The following LINGO2 variants were observed in gnomAD, a reference collection of about 807,000 sequenced individuals.
The protein encoded by LINGO2 is leucine rich repeat and Ig domain containing 2, also known as leucine-rich repeat and immunoglobulin-like domain-containing nogo receptor-interacting protein 2.
LINGO2 carries 14 observed loss-of-function variants against 30.6 expected under a neutral mutation model. The observed-to-expected ratio is 0.46, with a 90% CI of 0.30 to 0.72. LINGO2 has a LOEUF of 0.72. Among genes scored for constraint, LINGO2 ranks in the 30% least tolerant of loss-of-function variants. LINGO2 has a pLI of 0.07. For missense variants in LINGO2, 729 were observed against 751.7 expected, an observed-to-expected ratio of 0.97 and a Z score of 0.35; for synonymous variants, 317 against 288.5, an observed-to-expected ratio of 1.10 and a Z score of -1.00.
chr9:28,995,416 C>T, the LINGO2 span, among the ~76,000 whole-genome samples: 1 of 152,162 alleles, frequency 6.6e-6, no homozygotes, highest in Admixed American at 6.5e-5. Context: ...TTTGACACTG[C>T]TGGTGGGACT....
chr9:28,441,915 A>G (rs896560070), intron 2 of LINGO2, among the ~76,000 whole-genome samples: 3 of 152,122 alleles, frequency 2.0e-5, no homozygotes, highest in Non-Finnish European at 4.4e-5. Flanking sequence ...ACTTCACTGA[A>G]CTAAGATACT....
chr9:28,398,117 T>TA (rs1401859636), intron 2 of LINGO2, among the ~76,000 whole-genome samples: 2 of 152,170 alleles, frequency 1.3e-5, no homozygotes, highest in Non-Finnish European at 2.9e-5. Flanking sequence ...CAGTCAGTGT[T>TA]ATGATTACCC....
At chr9:28,941,299 T>G in the LINGO2 span, among the ~76,000 whole-genome samples, 1 of 152,158 alleles carries the variant, frequency 6.6e-6, no homozygotes, top group African/African-American at 2.4e-5. Context: ...GATATGCATA[T>G]TTAATTATGC....
the LINGO2 span, among the ~76,000 whole-genome samples, chr9:28,971,708 G>T: frequency 6.6e-6 from 1 of 152,220 alleles, no homozygotes; most frequent in Non-Finnish European, 1.5e-5. Flanking sequence ...CTAACCAGGG[G>T]CCTAGCGGAA....
intron 4 of LINGO2, among the ~76,000 whole-genome samples, chr9:28,121,419 A>T (rs1484419375): frequency 6.6e-6 from 1 of 152,160 alleles, no homozygotes; most frequent in East Asian, 1.9e-4. Flanking sequence ...CAGGAATTTT[A>T]TCTCGTTAAA....
chr9:28,760,096 T>C, the LINGO2 span, among the ~76,000 whole-genome samples: 5,177 of 152,190 alleles, frequency 0.034, 351 homozygotes, highest in African/African-American at 0.12. Flanking sequence ...ATTATTCTGA[T>C]AGAAATGTTT....
intron 4 of LINGO2, among the ~76,000 whole-genome samples, chr9:28,102,742 T>A (rs566905956): frequency 6.6e-6 from 1 of 151,760 alleles, no homozygotes; most frequent in East Asian, 1.9e-4. Context: ...CTAATAAGCA[T>A]AAAAAATGTT....
intron 3 of LINGO2, among the ~76,000 whole-genome samples, chr9:28,362,467 C>T (rs1036881876): frequency 6.9e-6 from 1 of 145,200 alleles, no homozygotes; most frequent in Non-Finnish European, 1.5e-5. Context: ...TTTGGCTTTC[C>T]TTTTTTTTTT....
the LINGO2 span, among the ~76,000 whole-genome samples, chr9:28,846,701 C>T: frequency 2.7e-5 from 4 of 146,968 alleles, no homozygotes; most frequent in Non-Finnish European, 6.0e-5. Flanking sequence ...TTCTAATTAC[C>T]ATCTCTGGGC....
chr9:29,105,651 A>G, the LINGO2 span, among the ~76,000 whole-genome samples: 1 of 152,206 alleles, frequency 6.6e-6, no homozygotes, highest in African/African-American at 2.4e-5. Flanking sequence ...TGAGCTAAAT[A>G]TAGAGAGGTG....
At chr9:28,522,207 C>T (rs1182485767) in intron 1 of LINGO2, among the ~76,000 whole-genome samples, 2 of 152,092 alleles carry the variant, frequency 1.3e-5, no homozygotes, top group African/African-American at 4.8e-5. Flanking sequence ...ACAGCAAATA[C>T]TGAATTTTAG....
At chr9:28,438,823 T>C (rs1824059108) in intron 2 of LINGO2, among the ~76,000 whole-genome samples, 1 of 136,140 alleles carries the variant, frequency 7.3e-6, no homozygotes. Flanking sequence ...GAAGAAAATA[T>C]ATACATATAT....
At chr9:28,714,164 A>AATCTATATATATATATATATATATAT in the LINGO2 span, among the ~76,000 whole-genome samples, 20 of 117,166 alleles carry the variant, frequency 1.7e-4, no homozygotes, top group African/African-American at 6.3e-4. Context: ...TGCCTCAAAT[A>AATCTATATATATATATATATATATAT]ATATATATAT....
intron 4 of LINGO2, among the ~76,000 whole-genome samples, chr9:28,034,588 G>A (rs1306301871): frequency 1.3e-5 from 2 of 152,094 alleles, no homozygotes; most frequent in African/African-American, 2.4e-5. Flanking sequence ...CCTAGAAAAC[G>A]AGGATAATAT....
At chr9:28,423,187 A>G (rs1192778050) in intron 2 of LINGO2, among the ~76,000 whole-genome samples, 2 of 152,098 alleles carry the variant, frequency 1.3e-5, no homozygotes, top group African/African-American at 4.8e-5. Context: ...ATTTTATGTC[A>G]TGTGTATTCC....
In LINGO2 at chr9:28,529,099, G is replaced by A. The variant is rs78589755; in HGVS notation, c.-364-53074C>T. ...TCCATTCTTTCTTTAGGAACTCCTG[G>A]TTGAGTCTATCTGCTACCCATCTGG... On this transcript the variant is annotated intron_variant, in intron 1 of 5. Transcript: ENST00000379992. Among the ~76,000 whole-genome samples the A allele has an allele frequency of 4.3e-4, 66 of 152,132 alleles. 1 individual carries two copies. Among genetic ancestry groups the A allele is most frequent in the African/African-American group, 1.6e-3 (66 of 41,526 alleles).
intron 4 of LINGO2, among the ~76,000 whole-genome samples, chr9:28,087,831 C>T (rs1343838254): frequency 6.6e-6 from 1 of 151,920 alleles, no homozygotes; most frequent in Non-Finnish European, 1.5e-5. Flanking sequence ...CATGAGTAAC[C>T]CATGAGATAG....
At chr9:28,029,655 G>T (rs761772188) in intron 4 of LINGO2, among the ~76,000 whole-genome samples, 1 of 152,126 alleles carries the variant, frequency 6.6e-6, no homozygotes, top group East Asian at 1.9e-4. Context: ...ATACGTTTAA[G>T]AATTTATTGA....
the LINGO2 span, among the ~76,000 whole-genome samples, chr9:29,042,104 A>G: frequency 7.2e-5 from 11 of 152,190 alleles, no homozygotes; most frequent in African/African-American, 2.4e-4. Flanking sequence ...ATATTGCTAT[A>G]TATCTATCAG....
Sources: gnomAD v4.1 joint callset for allele counts (sites outside exome capture counted in the v4.1 genomes callset) on GRCh38, gnomAD v4.1.1 for gene constraint, MANE v1.5 for transcripts, NCBI Gene and HGNC (gene_info 2026-07-23, HGNC 2026-07-21) for gene names.